The following AGBL4 variants were observed in gnomAD, a reference collection of about 807,000 sequenced individuals.
The protein encoded by AGBL4 is AGBL carboxypeptidase 4.
In AGBL4, 58 loss-of-function variants were observed where a neutral mutation model predicts 66.4. The observed-to-expected ratio is 0.87, with a 90% CI of 0.71 to 1.09. The LOEUF (loss-of-function observed/expected upper bound fraction) is 1.09. AGBL4 is among the 50% of genes least tolerant of loss of function. The pLI, the probability that AGBL4 is intolerant of heterozygous loss-of-function variation, is 0.00. For missense variants in AGBL4, 579 were observed against 631.0 expected (o/e 0.92, Z 0.88); for synonymous variants, 234 against 222.9 (o/e 1.05, Z -0.44).
chr1:49,384,305 A>G (rs1359946458), intron 3 of AGBL4, among the ~76,000 whole-genome samples: 2 of 151,962 alleles, frequency 1.3e-5, no homozygotes, highest in Non-Finnish European at 2.9e-5. Flanking sequence ...AAGATATAAA[A>G]ATGGGCGGCT....
At chr1:49,283,015 C>T (rs917311492) in intron 3 of AGBL4, among the ~76,000 whole-genome samples, 4 of 152,244 alleles carry the variant, frequency 2.6e-5, no homozygotes, top group Non-Finnish European at 5.9e-5. Flanking sequence ...GGGTGGTGCC[C>T]ACCACAGCTC....
At chr1:49,830,964 T>C (rs1159243339) in intron 2 of AGBL4, among the ~76,000 whole-genome samples, 1 of 152,226 alleles carries the variant, frequency 6.6e-6, no homozygotes, top group Non-Finnish European at 1.5e-5. Flanking sequence ...TCTATTGCTC[T>C]ATATATCTGT....
At chr1:49,270,909 G>A (rs1239365389) in intron 3 of AGBL4, among the ~76,000 whole-genome samples, 1 of 152,146 alleles carries the variant, frequency 6.6e-6, no homozygotes, top group Non-Finnish European at 1.5e-5. Flanking sequence ...GCCATGATTA[G>A]TCTTAAAATT....
intron 3 of AGBL4, among the ~76,000 whole-genome samples, chr1:49,588,466 ACACTG>A (rs547653064): frequency 2.6e-5 from 4 of 152,162 alleles, no homozygotes; most frequent in Non-Finnish European, 5.9e-5. Flanking sequence ...GGTTATGAAG[ACACTG>A]CTCAAGGCCT....
intron 2 of AGBL4, among the ~76,000 whole-genome samples, chr1:49,799,442 C>T (rs1644806422): frequency 6.6e-6 from 1 of 152,056 alleles, no homozygotes; most frequent in African/African-American, 2.4e-5. Flanking sequence ...CACTATAGTC[C>T]AGGGTTCCAT....
intron 1 of AGBL4, among the ~76,000 whole-genome samples, chr1:49,948,446 A>AATATATAAAT (rs1557609720): frequency 5.5e-5 from 3 of 54,656 alleles, no homozygotes; most frequent in Non-Finnish European, 1.1e-4. Context: ...AATATATATA[A>AATATATAAAT]ATATATAAAT....
chr1:49,828,125 TA>T lies in AGBL4; in HGVS notation c.157+23270del, dbSNP rs575921853. Among the ~76,000 whole-genome samples the T allele has an allele frequency of 3.6e-4, 52 of 144,526 alleles. 1 individual carries two copies. Among genetic ancestry groups the T allele is most frequent in the South Asian group, 4.4e-4 (2 of 4,502 alleles). The allele number at this position is 144,526 out of a possible 152,430, so 94.8% of individuals were successfully genotyped here. ...TAACAAAGGCTAATAACCAATGCAG[TA>T]AAAAAAAAAACAACTCATTACTACT... On this transcript the variant is annotated intron_variant, in intron 2 of 13. Coordinates refer to ENST00000371839, the MANE Select transcript of AGBL4 (RefSeq NM_032785.4).
At chr1:49,604,154 C>G (rs1181890001) in intron 3 of AGBL4, among the ~76,000 whole-genome samples, 2 of 152,164 alleles carry the variant, frequency 1.3e-5, no homozygotes, top group African/African-American at 4.8e-5. Context: ...AATCTCCATA[C>G]TGTTTTCATA....
intron 6 of AGBL4, among the ~76,000 whole-genome samples, chr1:48,701,629 G>C (rs1646803674): frequency 6.6e-6 from 1 of 152,090 alleles, no homozygotes; most frequent in Non-Finnish European, 1.5e-5. Flanking sequence ...CATCAAGTTA[G>C]ATAATAGACA....
At chr1:49,025,009 G>A (rs2149027420) in intron 5 of AGBL4, among the ~76,000 whole-genome samples, 1 of 152,272 alleles carries the variant, frequency 6.6e-6, no homozygotes, top group African/African-American at 2.4e-5. Flanking sequence ...GGGTGCTAAT[G>A]TATGAGGAAA....
At chr1:49,323,415 G>A (rs535624983) in intron 3 of AGBL4, among the ~76,000 whole-genome samples, 1 of 151,122 alleles carries the variant, frequency 6.6e-6, no homozygotes, top group Non-Finnish European at 1.5e-5. Context: ...TCTAGTAGCT[G>A]GGACTACAGG....
intron 5 of AGBL4, among the ~76,000 whole-genome samples, chr1:48,951,157 T>C (rs185448840): frequency 1.3e-5 from 2 of 152,298 alleles, no homozygotes; most frequent in Admixed American, 6.5e-5. Context: ...TCTTATATCT[T>C]ACCCCAGTGC....
chr1:48,618,363 G>A (rs948652924), intron 9 of AGBL4, among the ~76,000 whole-genome samples: 2 of 152,140 alleles, frequency 1.3e-5, no homozygotes, highest in Admixed American at 6.5e-5. Flanking sequence ...ATTCATCCCC[G>A]GGGCCTGGAG....
intron 6 of AGBL4, among the ~76,000 whole-genome samples, chr1:48,715,475 C>G (rs1426163731): frequency 6.6e-6 from 1 of 152,184 alleles, no homozygotes; most frequent in African/African-American, 2.4e-5. Context: ...CTGCCCTGTG[C>G]CCACGAGCTC....
chr1:49,614,297 A>C (rs1352713287), intron 3 of AGBL4, among the ~76,000 whole-genome samples: 1 of 152,118 alleles, frequency 6.6e-6, no homozygotes, highest in Non-Finnish European at 1.5e-5. Flanking sequence ...TATGAATGGA[A>C]TCATATGGTA....
chr1:49,462,949 T>A (rs1035455030), intron 3 of AGBL4, among the ~76,000 whole-genome samples: 1 of 151,726 alleles, frequency 6.6e-6, no homozygotes, highest in East Asian at 1.9e-4. Flanking sequence ...AGGGAGATCA[T>A]TTATTCTAAT....
chr1:48,719,666 A>C (rs1288525001), intron 6 of AGBL4, among the ~76,000 whole-genome samples: 2 of 152,030 alleles, frequency 1.3e-5, no homozygotes, highest in African/African-American at 4.8e-5. Context: ...ATCCTCTTCC[A>C]CCTCTTGCCT....
Position 49,935,270 on chromosome 1 carries a change from A to G in AGBL4, c.35-83752T>C, listed in dbSNP as rs545943356. On this transcript the variant is annotated intron_variant, in intron 1 of 13. Transcript: ENST00000371839. The stretch of plus-strand genomic sequence containing the variant: ...TGAGATCAAACTGCAAGGCGGCAGC[A>G]AGGCTGGGGGAGGGGCGCCCGCCAT... Among the ~76,000 whole-genome samples the G allele has an allele frequency of 2.0e-3, 300 of 152,340 alleles. 2 individuals carry two copies. The highest frequency in any genetic ancestry group is 6.5e-3 in the African/African-American group (272 of 41,588).
chr1:49,449,969 T>C (rs1646241601), intron 3 of AGBL4, among the ~76,000 whole-genome samples: 1 of 152,110 alleles, frequency 6.6e-6, no homozygotes. Context: ...ATGTTGACTA[T>C]AGGCAATGCC....
Sources: gnomAD v4.1 joint callset for allele counts (sites outside exome capture counted in the v4.1 genomes callset) on GRCh38, gnomAD v4.1.1 for gene constraint, MANE v1.5 for transcripts, NCBI Gene and HGNC (gene_info 2026-07-23, HGNC 2026-07-21) for gene names.